Variants in NOX3 observed in about 807,000 individuals in gnomAD.
The protein encoded by NOX3 is NADPH oxidase catalytic subunit-like 3.
Under a neutral mutation model 76.7 loss-of-function variants are expected in NOX3, and 74 were observed. That is an observed-to-expected ratio of 0.96 (90% confidence interval 0.80 to 1.17). The LOEUF is 1.17. Ranked by LOEUF, NOX3 falls within the 50% of genes most tolerant of loss-of-function variation. The pLI, the probability that NOX3 is intolerant of heterozygous loss-of-function variation, is 0.00. For missense variants in NOX3, 695 were observed against 703.3 expected, an observed-to-expected ratio of 0.99 and a Z score of 0.13; for synonymous variants, 263 against 261.1, an observed-to-expected ratio of 1.01 and a Z score of -0.07.
chr6:155,403,584 C>T (rs372667826), intron 12 of NOX3, among the ~76,000 whole-genome samples: 2 of 152,112 alleles, frequency 1.3e-5, no homozygotes, highest in East Asian at 1.9e-4. Context: ...GCATAGCTAC[C>T]GTGCTGCAAA....
chr6:155,446,400 T>C (rs901038937), intron 4 of NOX3, among the ~76,000 whole-genome samples: 5 of 152,208 alleles, frequency 3.3e-5, no homozygotes, highest in Non-Finnish European at 5.9e-5. Flanking sequence ...GTACGTCTCA[T>C]AGCAAACATA....
At chr6:155,397,002 G>C (rs1386901835) in intron 12 of NOX3, 40 bp from the exon 13 acceptor site, 1 of 1,574,366 alleles carries the variant, frequency 6.4e-7, no homozygotes, top group Non-Finnish European at 8.6e-7. Context: ...ATGTCACCAG[G>C]AGGCAAGGCC....
chr6:155,439,270 T>C (rs577788565), intron 6 of NOX3, among the ~76,000 whole-genome samples: 3 of 152,346 alleles, frequency 2.0e-5, no homozygotes, highest in East Asian at 1.9e-4. Flanking sequence ...ATTGATGTAT[T>C]AGTCCAGGGC....
chr6:155,443,173 G>T, intron 5 of NOX3, 100 bp downstream of exon 5: 1 of 1,210,148 alleles, frequency 8.3e-7, no homozygotes, highest in Non-Finnish European at 1.1e-6. Flanking sequence ...TCATTCTCCA[G>T]CTCTTTTATT....
intron 5 of NOX3, among the ~76,000 whole-genome samples, chr6:155,440,983 G>A (rs1167389763): frequency 6.6e-6 from 1 of 152,146 alleles, no homozygotes; most frequent in Non-Finnish European, 1.5e-5. Flanking sequence ...ATCTCCGGGG[G>A]CCTGGAATAA....
intron 10 of NOX3, among the ~76,000 whole-genome samples, chr6:155,414,623 C>CTTTTTTTTTT (rs72348061): frequency 5.5e-4 from 62 of 113,756 alleles, no homozygotes; most frequent in Non-Finnish European, 7.4e-4. Context: ...TCTTTTCTTT[C>CTTTTTTTTTT]TTTTTTTTTT....
intron 9 of NOX3, among the ~76,000 whole-genome samples, chr6:155,424,713 T>C (rs1776734764): frequency 6.6e-6 from 1 of 152,228 alleles, no homozygotes; most frequent in South Asian, 2.1e-4. Flanking sequence ...AAAAGGTCAT[T>C]AACCAGAAAT....
At position 155,422,790 on chromosome 6, in the gene NOX3, G is replaced by A. The variant is rs769487012; in HGVS notation, c.1212C>T (p.Cys404=). The A allele has an allele frequency of 1.9e-5, 31 of 1,613,810 alleles. No individual in the cohort carries two copies. The highest frequency in any genetic ancestry group is 2.7e-5 in the African/African-American group (2 of 74,902). The change falls in exon 10 of 14, where the codon TGC becomes TGT. Residue 404 remains cysteine, a synonymous_variant. Coordinates refer to ENST00000159060, the MANE Select transcript of NOX3 (RefSeq NM_015718.3). ...GAGTGACTCCGATCCCCGCGGCAAC[G>A]CACACACACACTGGGTAGTGAAATA... The part of the protein sequence containing the change: ...TDVFHYPVCV[C]VAAGIGVTPF...
intron 4 of NOX3, among the ~76,000 whole-genome samples, chr6:155,447,404 A>G (rs756094212): frequency 6.6e-6 from 1 of 152,182 alleles, no homozygotes; most frequent in Non-Finnish European, 1.5e-5. Flanking sequence ...TGTTAGATTG[A>G]TTTCCACATG....
intron 4 of NOX3, among the ~76,000 whole-genome samples, chr6:155,444,476 G>A (rs1205908487): frequency 1.3e-5 from 2 of 152,050 alleles, no homozygotes; most frequent in African/African-American, 2.4e-5. Context: ...CTGGCAATTC[G>A]GCTACACCAA....
At chr6:155,442,234 A>C (rs1410093356) in intron 5 of NOX3, among the ~76,000 whole-genome samples, 1 of 152,208 alleles carries the variant, frequency 6.6e-6, no homozygotes, top group Non-Finnish European at 1.5e-5. Context: ...ACTGCACTCC[A>C]GCTCTGGCAA....
intron 10 of NOX3, among the ~76,000 whole-genome samples, chr6:155,417,408 CT>C (rs1776634861): frequency 1.3e-5 from 2 of 152,128 alleles, no homozygotes; most frequent in African/African-American, 2.4e-5. Context: ...TTTCATTGGA[CT>C]CTTTTGCAAG....
In NOX3 at chr6:155,445,337, G is replaced by A. The variant is rs140257931; in HGVS notation, c.341-1919C>T. Among the ~76,000 whole-genome samples, 487 of 152,282 alleles carry A rather than the reference G, an allele frequency of 3.2e-3. 7 individuals carry two copies. Among genetic ancestry groups the A allele is most frequent in the African/African-American group, 0.011 (462 of 41,552 alleles). ...TCTATACAGGTTGTGAGTGAGTTAC[G>A]GGATCCTCCGTGGTTGTACATTGTG... On this transcript the variant is annotated intron_variant, in intron 4 of 13. Transcript: ENST00000159060.
intron 5 of NOX3, 24 bp downstream of exon 5, chr6:155,443,249 G>A: frequency 5.6e-6 from 9 of 1,603,792 alleles, no homozygotes; most frequent in Non-Finnish European, 7.7e-6. Flanking sequence ...CAGGGGAGAA[G>A]CTTGTTAGCA....
chr6:155,416,690 T>C (rs1414598136), intron 10 of NOX3, among the ~76,000 whole-genome samples: 37 of 151,926 alleles, frequency 2.4e-4, no homozygotes, highest in Admixed American at 2.4e-3. Context: ...GGCCTCCGTT[T>C]GGTCTAATTA....
At chr6:155,431,314 C>T (rs895657006) in intron 7 of NOX3, among the ~76,000 whole-genome samples, 1 of 151,942 alleles carries the variant, frequency 6.6e-6, no homozygotes, top group Non-Finnish European at 1.5e-5. Context: ...ATTACTCACC[C>T]AACACAGGAC....
At chr6:155,444,714 A>G (rs1455442834) in intron 4 of NOX3, among the ~76,000 whole-genome samples, 1 of 152,236 alleles carries the variant, frequency 6.6e-6, no homozygotes, top group African/African-American at 2.4e-5. Flanking sequence ...TGATGAAAAA[A>G]GCATTACATT....
At position 155,419,507 on chromosome 6, in the gene NOX3, C is replaced by T. The variant is rs141702109; in HGVS notation, c.1308+3187G>A. Among the ~76,000 whole-genome samples, 6 of 152,320 alleles carry T rather than the reference C, an allele frequency of 3.9e-5. No individual in the cohort carries two copies. The East Asian group carries it at 1.2e-3, about 29-fold the overall frequency. On this transcript the variant is annotated intron_variant, in intron 10 of 13. Transcript: ENST00000159060. ...GTTATTTTATGATTCCACACTTTAG[C>T]TTCCTTTCTCCCATATGACATTATT...
In NOX3 at chr6:155,440,760, T is replaced by C. The variant is rs112718285; in HGVS notation, c.487-623A>G. Among the ~76,000 whole-genome samples, 147 of 152,232 alleles carry C rather than the reference T, an allele frequency of 9.7e-4. 1 individual carries two copies. Among genetic ancestry groups the C allele is most frequent in the African/African-American group, 3.4e-3 (140 of 41,548 alleles). On this transcript the variant is annotated intron_variant, in intron 5 of 13. Transcript: ENST00000159060. ...GAAAAGAGCATTTTAAGATAAAATA[T>C]TGCAAAATAAATCTGAGTTTTAAGT...
Sources: allele counts gnomAD v4.1 joint callset (sites outside exome capture counted in the v4.1 genomes callset), GRCh38; gene constraint gnomAD v4.1.1; transcripts MANE v1.5; gene names NCBI Gene and HGNC (gene_info 2026-07-23, HGNC 2026-07-21).